WDR7: variants seen among roughly 807,000 people sequenced by gnomAD.
WDR7 encodes WD repeat-containing protein 7.
A neutral mutation model predicts 169.4 loss-of-function variants in WDR7; 46 were observed. The ratio of observed to expected loss-of-function variants is 0.27; its 90% CI spans 0.21 to 0.35. The LOEUF (loss-of-function observed/expected upper bound fraction) is 0.35. Ranked by LOEUF, WDR7 falls within the 10% of genes least tolerant of loss-of-function variation. The probability of loss-of-function intolerance (pLI) is 1.00; values close to 1 mark genes in which losing one functional copy is unlikely to be tolerated. For missense variants in WDR7, 1,534 were observed against 1,859.3 expected, an observed-to-expected ratio of 0.83 and a Z score of 3.22; for synonymous variants, 612 against 666.8, an observed-to-expected ratio of 0.92 and a Z score of 1.27.
At chr18:56,861,673 G>A (rs1298070074) in intron 20 of WDR7, among the ~76,000 whole-genome samples, 1 of 152,050 alleles carries the variant, frequency 6.6e-6, no homozygotes, top group Admixed American at 6.6e-5. Flanking sequence ...ATTGTTGGTA[G>A]CATATTTCAA....
At chr18:56,871,678 A>T (rs1407940089) in intron 20 of WDR7, among the ~76,000 whole-genome samples, 1 of 152,084 alleles carries the variant, frequency 6.6e-6, no homozygotes, top group African/African-American at 2.4e-5. Context: ...TTTATACTAA[A>T]TTTAGACAAT....
intron 20 of WDR7, among the ~76,000 whole-genome samples, chr18:56,850,244 C>G (rs1366117081): frequency 6.6e-6 from 1 of 152,160 alleles, no homozygotes; most frequent in Non-Finnish European, 1.5e-5. Flanking sequence ...GTGTAACAGT[C>G]TAAAATTATT....
At chr18:56,918,901 T>C (rs962234284) in intron 21 of WDR7, among the ~76,000 whole-genome samples, 3 of 152,238 alleles carry the variant, frequency 2.0e-5, no homozygotes, top group African/African-American at 7.2e-5. Flanking sequence ...AAAAGTGTTT[T>C]TCTTGAATGT....
At chr18:57,026,877 A>G (rs907820247) in intron 27 of WDR7, 127 bp from the exon 28 acceptor site, 12 of 978,394 alleles carry the variant, frequency 1.2e-5, no homozygotes, top group Non-Finnish European at 1.8e-5. Context: ...GAGGTTAAGA[A>G]CAAGCTTAGG....
rs762295712 is a variant in WDR7, at chr18:56,954,392, T to C, written c.4065-8038T>C. Among the ~76,000 whole-genome samples the C allele has an allele frequency of 9.5e-4, 144 of 152,132 alleles. 2 individuals are homozygous for C. The highest frequency in any genetic ancestry group is 3.2e-4 in the Non-Finnish European group (22 of 68,004). On this transcript the variant is annotated intron_variant, in intron 25 of 27. Transcript: ENST00000254442. ...CATACCATACAGCCATTAAAAAGAT[T>C]GAGGTAAGCCATTTCTACTGACATG...
intron 14 of WDR7, among the ~76,000 whole-genome samples, chr18:56,748,009 G>T (rs1378761022): frequency 1.3e-5 from 2 of 152,040 alleles, no homozygotes; most frequent in African/African-American, 4.8e-5. Context: ...TGTGTTAAGG[G>T]TTTCAGCATA....
intron 22 of WDR7, among the ~76,000 whole-genome samples, chr18:56,934,862 C>T (rs2046936584): frequency 6.6e-6 from 1 of 152,050 alleles, no homozygotes; most frequent in African/African-American, 2.4e-5. Flanking sequence ...ATATTTAACT[C>T]GGGAAACTAT....
At chr18:56,943,343 CT>C (rs557319976) in intron 25 of WDR7, among the ~76,000 whole-genome samples, 504 of 144,836 alleles carry the variant, frequency 3.5e-3, no homozygotes, top group African/African-American at 9.6e-3. Context: ...GTTTTGTATT[CT>C]TTTTTTTTTT....
intron 26 of WDR7, among the ~76,000 whole-genome samples, chr18:56,965,089 T>G (rs940225939): frequency 5.3e-5 from 8 of 152,184 alleles, no homozygotes; most frequent in Admixed American, 5.2e-4. Context: ...TTAAAGAATC[T>G]GTTGGAATCA....
intron 14 of WDR7, among the ~76,000 whole-genome samples, chr18:56,756,169 T>C (rs1273746732): frequency 6.6e-6 from 1 of 152,150 alleles, no homozygotes; most frequent in African/African-American, 2.4e-5. Context: ...AGGAGGGATA[T>C]GATGGTTGTA....
chr18:56,780,101 C>T (rs772536497), intron 18 of WDR7, among the ~76,000 whole-genome samples: 17 of 152,050 alleles, frequency 1.1e-4, no homozygotes, highest in Non-Finnish European at 1.9e-4. Flanking sequence ...ATGGGATTGC[C>T]GTCAGGATCA....
chr18:57,033,428 A>G (rs1357455688), downstream of WDR7: 1 of 152,230 alleles, frequency 6.6e-6, no homozygotes, highest in Non-Finnish European at 1.5e-5. Flanking sequence ...GCCAACAATC[A>G]AGAAAGTTCT....
At chr18:56,876,700 T>G (rs879728959) in intron 20 of WDR7, among the ~76,000 whole-genome samples, 1 of 152,172 alleles carries the variant, frequency 6.6e-6, no homozygotes, top group Non-Finnish European at 1.5e-5. Context: ...ATTAAATACG[T>G]GACTGGCAAT....
At chr18:56,660,328 G>A (rs2024877554) in intron 1 of WDR7, among the ~76,000 whole-genome samples, 1 of 152,166 alleles carries the variant, frequency 6.6e-6, no homozygotes, top group African/African-American at 2.4e-5. Flanking sequence ...AATAAACTGG[G>A]GAACTGTCAA....
At chr18:56,873,133 T>C (rs1414907468) in intron 20 of WDR7, among the ~76,000 whole-genome samples, 4 of 152,222 alleles carry the variant, frequency 2.6e-5, no homozygotes, top group African/African-American at 9.6e-5. Flanking sequence ...TTTTTACCTC[T>C]TTCCTTGTTA....
intron 21 of WDR7, among the ~76,000 whole-genome samples, chr18:56,892,071 C>A (rs1223766129): frequency 6.6e-6 from 1 of 152,034 alleles, no homozygotes; most frequent in East Asian, 1.9e-4. Context: ...GTAATCTCAT[C>A]CTACTTCTCC....
intron 19 of WDR7, among the ~76,000 whole-genome samples, chr18:56,790,250 A>C (rs1338903079): frequency 6.6e-6 from 1 of 152,216 alleles, no homozygotes. Flanking sequence ...TTTATAGAGC[A>C]AAAAGCTGAG....
intron 26 of WDR7, among the ~76,000 whole-genome samples, chr18:56,990,257 C>A (rs1033659702): frequency 6.6e-6 from 1 of 152,178 alleles, no homozygotes; most frequent in African/African-American, 2.4e-5. Flanking sequence ...ACCTGAAGTC[C>A]TTAGGTGAGT....
intron 21 of WDR7, among the ~76,000 whole-genome samples, chr18:56,895,934 CA>C (rs1339949347): frequency 2.0e-5 from 3 of 151,366 alleles, no homozygotes; most frequent in Non-Finnish European, 4.4e-5. Flanking sequence ...ATGAATATAC[CA>C]GAGATAAATG....
Sources: gnomAD v4.1 joint callset for allele counts (sites outside exome capture counted in the v4.1 genomes callset) on GRCh38, gnomAD v4.1.1 for gene constraint, MANE v1.5 for transcripts, NCBI Gene and HGNC (gene_info 2026-07-23, HGNC 2026-07-21) for gene names.